PLPBP: variants seen among roughly 807,000 people sequenced by gnomAD.
PLPBP encodes the protein pyridoxal phosphate homeostasis protein.
A neutral mutation model predicts 31.2 loss-of-function variants in PLPBP; 21 were observed. That is an observed-to-expected ratio of 0.67 (90% confidence interval 0.48 to 0.97). The LOEUF (loss-of-function observed/expected upper bound fraction) is 0.97. Among genes scored for constraint, PLPBP ranks in the 50% least tolerant of loss-of-function variants. PLPBP has a pLI of 0.00. For missense variants in PLPBP, 308 were observed against 354.4 expected, an observed-to-expected ratio of 0.87 and a Z score of 1.05; for synonymous variants, 124 against 135.6, an observed-to-expected ratio of 0.91 and a Z score of 0.59.
At chr8:37,764,067 C>G (rs200655973) in intron 1 of PLPBP, among the ~76,000 whole-genome samples, 1 of 134,176 alleles carries the variant, frequency 7.5e-6, no homozygotes, top group African/African-American at 2.9e-5. Flanking sequence ...TGGTTCTTTT[C>G]TTTCTTTTTT....
At chr8:37,776,714 G>A (rs113673927) in intron 7 of PLPBP, among the ~76,000 whole-genome samples, 9 of 152,068 alleles carry the variant, frequency 5.9e-5, no homozygotes, top group South Asian at 4.1e-4. Context: ...ACGTAAGTGC[G>A]TGGGCATGGC....
intron 4 of PLPBP, among the ~76,000 whole-genome samples, chr8:37,771,383 G>A (rs1030946752): frequency 5.3e-5 from 8 of 151,864 alleles, no homozygotes; most frequent in African/African-American, 1.4e-4. Flanking sequence ...CAAGTGATTC[G>A]ACCACCTCGG....
intron 4 of PLPBP, among the ~76,000 whole-genome samples, chr8:37,771,921 C>A (rs1803781319): frequency 6.6e-6 from 1 of 152,198 alleles, no homozygotes; most frequent in Non-Finnish European, 1.5e-5. Context: ...GATTGTGCCA[C>A]TGCACTCTAG....
chr8:37,772,972 G>A, intron 5 of PLPBP, 83 bp downstream of exon 5: 2 of 1,539,016 alleles, frequency 1.3e-6, no homozygotes, highest in Admixed American at 3.5e-5. Flanking sequence ...CCAAGTGTCT[G>A]ATGGATAAGG....
intron 6 of PLPBP, 60 bp from the exon 7 acceptor site, chr8:37,775,858 A>G (rs1803888504): frequency 2.1e-6 from 3 of 1,454,896 alleles, no homozygotes; most frequent in Admixed American, 1.7e-5. Context: ...TCAGATTCAG[A>G]CACTTTTGGG....
chr8:37,777,573 T>G (rs986625786), intron 7 of PLPBP, among the ~76,000 whole-genome samples: 1 of 149,560 alleles, frequency 6.7e-6, no homozygotes, highest in Admixed American at 6.6e-5. Context: ...TCTGTTTTTG[T>G]TTTTTTTTGT....
chr8:37,767,046 CAAAAAAA>C (rs377103424), intron 4 of PLPBP, among the ~76,000 whole-genome samples: 5 of 57,162 alleles, frequency 8.7e-5, no homozygotes, highest in African/African-American at 2.8e-4. Context: ...GACTTCATCC[CAAAAAAA>C]AAAAAAAAAA....
At chr8:37,767,143 T>C (rs1803654920) in intron 4 of PLPBP, among the ~76,000 whole-genome samples, 1 of 150,888 alleles carries the variant, frequency 6.6e-6, no homozygotes, top group East Asian at 1.9e-4. Flanking sequence ...CCTTAAGGTA[T>C]AAAAATTTAA....
intron 5 of PLPBP, among the ~76,000 whole-genome samples, chr8:37,773,467 GC>G: frequency 7.5e-6 from 1 of 134,198 alleles, no homozygotes; most frequent in Admixed American, 7.8e-5. Context: ...ACCACACTCA[GC>G]CTTTTTTTTT....
chr8:37,777,547 A>G (rs1803944901), intron 7 of PLPBP, among the ~76,000 whole-genome samples: 1 of 152,026 alleles, frequency 6.6e-6, no homozygotes, highest in East Asian at 1.9e-4. Flanking sequence ...CAGCTGTGTT[A>G]TTATTCATAG....
At chr8:37,776,837 G>C (rs1467559609) in intron 7 of PLPBP, among the ~76,000 whole-genome samples, 2 of 152,130 alleles carry the variant, frequency 1.3e-5, no homozygotes, top group Non-Finnish European at 2.9e-5. Flanking sequence ...CGCGATCTCA[G>C]CTCACTGTAA....
At chr8:37,768,690 G>T (rs750795718) in intron 4 of PLPBP, among the ~76,000 whole-genome samples, 6 of 151,966 alleles carry the variant, frequency 3.9e-5, no homozygotes, top group Non-Finnish European at 7.4e-5. Flanking sequence ...GGCTAGGCTG[G>T]TCTCAAACTC....
chr8:37,772,343 G>A (rs1803792982), intron 4 of PLPBP, among the ~76,000 whole-genome samples: 1 of 152,198 alleles, frequency 6.6e-6, no homozygotes, highest in Non-Finnish European at 1.5e-5. Context: ...CCTCATCCCA[G>A]AAAGTTGAAG....
In PLPBP at chr8:37,762,682, C is replaced by T. The variant is rs753891575; in HGVS notation, c.23C>T (p.Ser8Leu). 1.0e-5 allele frequency: 16 copies of T among 1,588,558 alleles called. No individual in the cohort carries two copies. Among genetic ancestry groups the T allele is most frequent in the Non-Finnish European group, 1.3e-5 (15 of 1,171,144 alleles). Residue 8 changes from serine (S) to leucine (L), a missense_variant, in exon 1 of 8, where the codon TCG (serine) becomes TTG (leucine). Around this residue, in one of 2 missense-constraint regions of PLPBP, gnomAD observed 120 missense variants for 95.1 expected, o/e 1.26. Coordinates refer to ENST00000328195, the MANE Select transcript of PLPBP (RefSeq NM_007198.4). ...GGGATGTGGAGAGCTGGCAGCATGT[C>T]GGCCGAGCTGGGAGTCGGGTGCGCA... MWRAGSM[S>L]AELGVGCALR...
chr8:37,762,688 A>G lies in PLPBP; in HGVS notation c.29A>G (p.Glu10Gly). 6.3e-7 allele frequency: 1 copy of G among 1,590,212 alleles called. No individual in the cohort carries two copies. The highest frequency in any genetic ancestry group is 8.5e-7 in the Non-Finnish European group (1 of 1,172,110). Reference sequence around the variant, plus strand: ...TGGAGAGCTGGCAGCATGTCGGCCGAGCTGGGAGTCGGGTGCGCATTGCGG... The same window carrying G: ...TGGAGAGCTGGCAGCATGTCGGCCGGGCTGGGAGTCGGGTGCGCATTGCGG... MWRAGSMSA[E>G]LGVGCALRAV... Residue 10 changes from glutamate (E) to glycine (G), a missense_variant, in exon 1 of 8, where the codon GAG becomes GGG. Transcript: ENST00000328195.
At position 37,765,701 on chromosome 8, in the gene PLPBP, G is replaced by T. The variant is rs780783617; in HGVS notation, c.208-10G>T. ...CCAGGCTTCTGACTTGTTCTGTTTT[G>T]ACCTTTTAGGTTCAGGAACTGCTAG... On this transcript the variant is annotated splice_polypyrimidine_tract_variant and intron_variant, in intron 2 of 7. Transcript: ENST00000328195. 4 of 1,613,912 alleles carry T rather than the reference G, an allele frequency of 2.5e-6. No individual in the cohort carries two copies. Among genetic ancestry groups the T allele is most frequent in the Non-Finnish European group, 3.4e-6 (4 of 1,180,020 alleles).
At chr8:37,766,771 C>T (rs532137729) in intron 4 of PLPBP, 22 of 554,722 alleles carry the variant, frequency 4.0e-5, no homozygotes, top group East Asian at 2.9e-4. Flanking sequence ...AGGCCAGGCG[C>T]GGTGGCTGAC....
chr8:37,778,271 T>A lies in PLPBP; in HGVS notation c.*167T>A. 1.3e-6 allele frequency: 1 copy of A among 745,166 alleles called. No homozygotes were observed. Among genetic ancestry groups the A allele is most frequent in the Non-Finnish European group, 2.0e-6 (1 of 499,410 alleles). The allele number at this position is 745,166 out of a possible 1,614,324, so 46.2% of individuals were successfully genotyped here. ...TAGTCTCTGACATAGGAAGCTTGCT[T>A]CAGGCAATGGCTTTGGATTGAGTTT... is the stretch of plus-strand genomic sequence containing the variant. On this transcript the variant is annotated 3_prime_UTR_variant, in exon 8 of 8. Coordinates refer to ENST00000328195, the MANE Select transcript of PLPBP (RefSeq NM_007198.4).
intron 7 of PLPBP, among the ~76,000 whole-genome samples, chr8:37,777,698 C>T (rs1803951671): frequency 1.3e-5 from 2 of 152,140 alleles, no homozygotes; most frequent in African/African-American, 2.4e-5. Context: ...TTCAGCCTCC[C>T]GAGTAGCTGG....
Sources: gnomAD v4.1 joint callset for allele counts (sites outside exome capture counted in the v4.1 genomes callset) on GRCh38, gnomAD v4.1.1 for gene constraint, gnomAD v4.1.1 regional missense constraint, MANE v1.5 for transcripts, NCBI Gene and HGNC (gene_info 2026-07-23, HGNC 2026-07-21) for gene names.